Variants in RERE observed in about 807,000 individuals in gnomAD.
RERE encodes the protein arginine-glutamic acid dipeptide repeats protein.
Under a neutral mutation model 146.1 loss-of-function variants are expected in RERE, and 40 were observed. The ratio of observed to expected loss-of-function variants is 0.27; its 90% CI spans 0.21 to 0.36. The LOEUF (loss-of-function observed/expected upper bound fraction) is 0.36. RERE is among the 10% of genes least tolerant of loss of function. The probability of loss-of-function intolerance (pLI) is 1.00; values close to 1 mark genes in which losing one functional copy is unlikely to be tolerated. For synonymous variants in RERE, 1,003 were observed against 866.0 expected (o/e 1.16, Z -2.78); for missense variants, 1,933 against 2,138.7 (o/e 0.90, Z 1.90).
intron 1 of RERE, among the ~76,000 whole-genome samples, chr1:8,670,528 T>C (rs2124371900): frequency 6.6e-6 from 1 of 152,226 alleles, no homozygotes; most frequent in South Asian, 2.1e-4. Flanking sequence ...TAAGATGTGC[T>C]ATAGAAAAAA....
intron 4 of RERE, among the ~76,000 whole-genome samples, chr1:8,581,200 T>A (rs1646360442): frequency 6.6e-6 from 1 of 152,220 alleles, no homozygotes; most frequent in Admixed American, 6.5e-5. Flanking sequence ...GTTTTGGGGA[T>A]CTTATTGTGA....
chr1:8,675,511 A>C (rs1158055515), intron 1 of RERE, among the ~76,000 whole-genome samples: 1 of 151,272 alleles, frequency 6.6e-6, no homozygotes, highest in Non-Finnish European at 1.5e-5. Flanking sequence ...AAAAAAAAAA[A>C]AAAAATACAA....
chr1:8,636,638 G>A (rs1247345407), intron 2 of RERE, among the ~76,000 whole-genome samples: 1 of 152,034 alleles, frequency 6.6e-6, no homozygotes, highest in East Asian at 1.9e-4. Context: ...TCAGAATAAA[G>A]ACACTTCCCA....
At chr1:8,385,562 T>C (rs1642608272) in intron 12 of RERE, among the ~76,000 whole-genome samples, 1 of 151,566 alleles carries the variant, frequency 6.6e-6, no homozygotes, top group South Asian at 2.1e-4. Flanking sequence ...CCCTGAAGAG[T>C]ATCAGATAAT....
At chr1:8,731,432 T>A (rs1398992686) in intron 1 of RERE, among the ~76,000 whole-genome samples, 1 of 152,164 alleles carries the variant, frequency 6.6e-6, no homozygotes, top group Non-Finnish European at 1.5e-5. Flanking sequence ...CAACTCCCTC[T>A]TGCCTTCTCA....
intron 15 of RERE, chr1:8,363,739 AT>A (rs1641687130): frequency 2.6e-6 from 1 of 382,408 alleles, no homozygotes; most frequent in Non-Finnish European, 4.8e-6. Context: ...AATAGCAGAG[AT>A]TTGATACAAT....
intron 4 of RERE, among the ~76,000 whole-genome samples, chr1:8,608,281 TC>T (rs781613733): frequency 3.6e-4 from 55 of 152,080 alleles, no homozygotes; most frequent in Non-Finnish European, 5.9e-5. Context: ...CACAGGAGGA[TC>T]CCTTGAGTCC....
At chr1:8,654,914 C>T (rs1638235637) in intron 2 of RERE, among the ~76,000 whole-genome samples, 1 of 151,982 alleles carries the variant, frequency 6.6e-6, no homozygotes, top group South Asian at 2.1e-4. Context: ...TGGGATTACA[C>T]TGTGCCCAGC....
chr1:8,597,014 A>G (rs1646562742), intron 4 of RERE, among the ~76,000 whole-genome samples: 2 of 152,198 alleles, frequency 1.3e-5, no homozygotes, highest in Admixed American at 1.3e-4. Context: ...CAATAAAAGG[A>G]AAAGTTAACT....
chr1:8,440,887 A>G (rs1644238556), intron 11 of RERE, among the ~76,000 whole-genome samples: 1 of 150,236 alleles, frequency 6.7e-6, no homozygotes. Context: ...ACAGAGGGAG[A>G]CTCCATCTCA....
chr1:8,368,247 A>C (rs887001439), intron 12 of RERE, among the ~76,000 whole-genome samples: 1 of 152,132 alleles, frequency 6.6e-6, no homozygotes, highest in African/African-American at 2.4e-5. Context: ...AGGCAGGCGG[A>C]TCACCTGAGG....
Position 8,360,784 on chromosome 1 carries a change from T to C in RERE, c.2723A>G (p.Gln908Arg). The part of the protein sequence containing the change: ...LQLPASQSAL[Q>R]SQQPPREQPL... ...CTGCTCCCGTGGAGGCTGTTGGGAC[T>C]GCAGCGCTGACTGAGAGGCTGGCAG... The change falls in exon 18 of 23, where the codon CAG becomes CGG. Residue 908 changes from glutamine (Q) to arginine (R), a missense_variant. Around this residue, in one of 11 missense-constraint regions of RERE, gnomAD observed 1,255 missense variants for 1,153.8 expected, o/e 1.09. Coordinates refer to ENST00000400908, the MANE Select transcript of RERE (RefSeq NM_001042681.2). 1.3e-6 allele frequency: 2 copies of C among 1,591,562 alleles called. No homozygotes were observed. Among genetic ancestry groups the C allele is most frequent in the Non-Finnish European group, 1.7e-6 (2 of 1,174,006 alleles).
rs1035588320 is a variant in RERE, at chr1:8,564,862, GTGTGTGTGTA to G, written c.523-7349_523-7340del. 1.2e-3 allele frequency among the ~76,000 whole-genome samples: 158 copies of G among 131,210 alleles called. 2 individuals are homozygous for G. The highest frequency in any genetic ancestry group is 4.6e-3 in the African/African-American group (139 of 30,522). 86.1% of individuals were successfully genotyped at this position (131,210 alleles called of 152,430 possible). On this transcript the variant is annotated intron_variant, in intron 4 of 22. Transcript: ENST00000400908. ...TGTGTGTGTGTGTGTGTGTGTGTGTGTGTGTGTGTATATATATATATAAAACTACTATTCA... is the reference window on the plus strand; with the variant it reads ...TGTGTGTGTGTGTGTGTGTGTGTGTGTATATATATATAAAACTACTATTCA...
chr1:8,585,415 T>A (rs1325407514), intron 4 of RERE, among the ~76,000 whole-genome samples: 3 of 152,154 alleles, frequency 2.0e-5, no homozygotes, highest in African/African-American at 7.2e-5. Flanking sequence ...CCAGAAATAA[T>A]AAACAGCCCA....
intron 3 of RERE, among the ~76,000 whole-genome samples, chr1:8,622,450 T>C (rs1385129706): frequency 8.0e-6 from 1 of 124,796 alleles, no homozygotes; most frequent in Non-Finnish European, 1.6e-5. Context: ...GGAATAAGGC[T>C]ACACCCGTAT....
rs1172083303 is a variant in RERE at position 8,692,338 on chromosome 1, C to T, written c.-144-35897G>A. The stretch of plus-strand genomic sequence containing the variant: ...TGCATATAACCTACTCACATTCTCC[C>T]ATATACTTTTTTTTTTTCTTTTTTT... On this transcript the variant is annotated intron_variant, in intron 1 of 22. Transcript: ENST00000400908. Among the ~76,000 whole-genome samples the T allele has an allele frequency of 2.3e-5, 3 of 128,954 alleles. No individual in the cohort carries two copies. The East Asian group carries it at 7.4e-4, about 32-fold the overall frequency. The allele number at this position is 128,954 out of a possible 152,430, so 84.6% of individuals were successfully genotyped here.
At chr1:8,485,578 A>G (rs780352707) in intron 10 of RERE, among the ~76,000 whole-genome samples, 16 of 152,170 alleles carry the variant, frequency 1.1e-4, no homozygotes, top group Non-Finnish European at 2.1e-4. Flanking sequence ...GACAACAAGC[A>G]TAAGAAAACT....
At position 8,354,104 on chromosome 1, in the gene RERE, A is replaced by G. The variant is rs1366072325; in HGVS notation, c.*983T>C. 1 of 152,508 alleles carries G rather than the reference A, an allele frequency of 6.6e-6. No homozygotes were observed. Among genetic ancestry groups the G allele is most frequent in the Non-Finnish European group, 1.5e-5 (1 of 68,050 alleles). The allele number at this position is 152,508 out of a possible 1,614,324, so 9.4% of individuals were successfully genotyped here. A position where few individuals can be genotyped will look rare whatever the true frequency, so the allele number is the denominator to read the frequency against. On this transcript the variant is annotated 3_prime_UTR_variant, in exon 23 of 23. Transcript: ENST00000400908. ...GTGTGTACACAGAAATCTAGAAGGA[A>G]ATCTACAATGGACACAGGCCCATGC...
rs1641628580 is a variant in RERE at position 8,362,623 on chromosome 1, A to C, written c.1902+60T>G. On this transcript the variant is annotated intron_variant, in intron 16 of 22. Transcript: ENST00000400908. ...GAGGGAGCTGATCACGAATACCAGC[A>C]AACCAGTTTTAATGTGAGGGAGGGA... 3.1e-6 allele frequency: 5 copies of C among 1,608,378 alleles called. No individual in the cohort carries two copies. The Admixed American group carries it at 5.0e-5, about 16-fold the overall frequency.
Sources: gnomAD v4.1 joint callset for allele counts (sites outside exome capture counted in the v4.1 genomes callset) on GRCh38, gnomAD v4.1.1 for gene constraint, gnomAD v4.1.1 regional missense constraint, MANE v1.5 for transcripts, NCBI Gene and HGNC (gene_info 2026-07-23, HGNC 2026-07-21) for gene names.